SV2C: variants seen among roughly 807,000 people sequenced by gnomAD.
SV2C encodes solute carrier family 22 member B3.
SV2C carries 49 observed loss-of-function variants against 79.7 expected under a neutral mutation model. The observed-to-expected ratio is 0.61, with a 90% CI of 0.49 to 0.78. The LOEUF (loss-of-function observed/expected upper bound fraction) is 0.78, where lower values mean the gene tolerates loss of function less well. SV2C is among the 30% of genes least tolerant of loss of function. The pLI is 0.00. For synonymous variants in SV2C, 334 were observed against 333.2 expected, an observed-to-expected ratio of 1.00 and a Z score of -0.03; for missense variants, 833 against 912.9, an observed-to-expected ratio of 0.91 and a Z score of 1.13.
At chr5:76,204,453 T>A (rs1022867344) in intron 3 of SV2C, among the ~76,000 whole-genome samples, 5 of 152,210 alleles carry the variant, frequency 3.3e-5, no homozygotes, top group African/African-American at 1.2e-4. Flanking sequence ...CAATGATTAT[T>A]CAACTTTCTC....
At chr5:76,218,376 C>A (rs1744964032) in intron 4 of SV2C, among the ~76,000 whole-genome samples, 1 of 152,098 alleles carries the variant, frequency 6.6e-6, no homozygotes, top group African/African-American at 2.4e-5. Flanking sequence ...CAATGGTAGA[C>A]TAGATAAAGA....
the SV2C span, among the ~76,000 whole-genome samples, chr5:75,984,570 T>TCTAC: frequency 1.5e-5 from 1 of 68,458 alleles, no homozygotes; most frequent in South Asian, 3.3e-4. Flanking sequence ...TCTATCTATA[T>TCTAC]CTATCTATCT....
chr5:76,257,675 G>T (rs1746329282), intron 4 of SV2C, among the ~76,000 whole-genome samples: 1 of 150,808 alleles, frequency 6.6e-6, no homozygotes, highest in Non-Finnish European at 1.5e-5. Context: ...GCGTGTGTGT[G>T]GTGTGGTGTG....
At chr5:76,143,768 A>C (rs1749335254) in intron 2 of SV2C, among the ~76,000 whole-genome samples, 1 of 152,132 alleles carries the variant, frequency 6.6e-6, no homozygotes, top group Non-Finnish European at 1.5e-5. Flanking sequence ...AACATCGAGG[A>C]TCTTCTACTG....
chr5:76,232,236 CT>C (rs1187622047), intron 4 of SV2C, among the ~76,000 whole-genome samples: 2 of 146,450 alleles, frequency 1.4e-5, no homozygotes, highest in Non-Finnish European at 3.0e-5. Flanking sequence ...TAAATGTCTT[CT>C]TTTGAGAAGT....
intron 4 of SV2C, among the ~76,000 whole-genome samples, chr5:76,274,989 G>A (rs1035358972): frequency 1.3e-5 from 2 of 152,078 alleles, no homozygotes; most frequent in African/African-American, 4.8e-5. Context: ...CCTTTTTAAA[G>A]AAAATTTTAG....
chr5:76,238,380 G>A (rs1391427069), intron 4 of SV2C, among the ~76,000 whole-genome samples: 1 of 151,912 alleles, frequency 6.6e-6, no homozygotes, highest in African/African-American at 2.4e-5. Flanking sequence ...GCTGTATCAT[G>A]TTCTCCTACA....
At chr5:76,086,682 C>T (rs1289877598) in intron 1 of SV2C, among the ~76,000 whole-genome samples, 3 of 152,208 alleles carry the variant, frequency 2.0e-5, no homozygotes, top group Non-Finnish European at 4.4e-5. Context: ...TTTTCAATCT[C>T]TGCTTTGCTT....
At chr5:76,168,083 G>A (rs548623213) in intron 2 of SV2C, among the ~76,000 whole-genome samples, 246 of 152,080 alleles carry the variant, frequency 1.6e-3, no homozygotes, top group Non-Finnish European at 2.9e-3. Context: ...AAATGCACAA[G>A]TCTCCAATCA....
rs73764005 is a variant in SV2C at position 76,093,831 on chromosome 5, T to C, written c.-102+10319T>C. Among the ~76,000 whole-genome samples the C allele has an allele frequency of 8.1e-3, 1,227 of 152,340 alleles. 15 individuals carry two copies. Among genetic ancestry groups the C allele is most frequent in the African/African-American group, 0.028 (1,167 of 41,572 alleles). On this transcript the variant is annotated intron_variant, in intron 1 of 12. Coordinates refer to ENST00000502798, the MANE Select transcript of SV2C (RefSeq NM_014979.4). Reference sequence around the variant, plus strand: ...ATTATTTTCCCCCTTGTAGACTTGCTTCTAATGTCTTTCCCTTTGACATCA... The same window carrying C: ...ATTATTTTCCCCCTTGTAGACTTGCCTCTAATGTCTTTCCCTTTGACATCA...
chr5:76,052,069 T>G, the SV2C span, among the ~76,000 whole-genome samples: 4 of 152,272 alleles, frequency 2.6e-5, no homozygotes, highest in South Asian at 4.2e-4. Context: ...TTCCCTCTAG[T>G]ATAGCATCTG....
intron 4 of SV2C, among the ~76,000 whole-genome samples, chr5:76,246,603 C>T (rs1252442673): frequency 6.6e-6 from 1 of 152,072 alleles, no homozygotes; most frequent in Non-Finnish European, 1.5e-5. Context: ...CCACACAGCA[C>T]AAATCCTAAA....
the SV2C span, among the ~76,000 whole-genome samples, chr5:75,937,386 C>T: frequency 4.4e-3 from 677 of 152,184 alleles, 4 homozygotes; most frequent in South Asian, 5.2e-3. Context: ...TCATCACAAT[C>T]ACTTTCATCA....
At chr5:75,868,213 G>A in the SV2C span, among the ~76,000 whole-genome samples, 2 of 152,288 alleles carry the variant, frequency 1.3e-5, no homozygotes, top group South Asian at 4.1e-4. Context: ...AAGTATTTTG[G>A]TATATTTGAA....
In SV2C at chr5:76,327,789, G is replaced by C. The variant is rs577378125; in HGVS notation, c.*2242G>C. On this transcript the variant is annotated 3_prime_UTR_variant, in exon 13 of 13. Transcript: ENST00000502798. ...CTAATGTCTGCTCTGGGGTCTAAAT[G>C]CATAAAACATCTCCCAAGCTGCAGA... 6.6e-6 allele frequency: 1 copy of C among 152,314 alleles called. No homozygotes were observed. The highest frequency in any genetic ancestry group is 1.9e-4 in the East Asian group (1 of 5,188). 9.4% of individuals were successfully genotyped at this position (152,314 alleles called of 1,614,324 possible). A position where few individuals can be genotyped will look rare whatever the true frequency, so the allele number is the denominator to read the frequency against.
chr5:76,251,901 A>G (rs1746127358), intron 4 of SV2C, among the ~76,000 whole-genome samples: 1 of 152,230 alleles, frequency 6.6e-6, no homozygotes, highest in Non-Finnish European at 1.5e-5. Context: ...ACAACAGTAC[A>G]TAACACTGAC....
the SV2C span, among the ~76,000 whole-genome samples, chr5:76,070,117 C>T: frequency 6.6e-6 from 1 of 152,120 alleles, no homozygotes; most frequent in African/African-American, 2.4e-5. Context: ...CTCCAGGGCC[C>T]CAGCCCACAC....
chr5:76,242,298 T>C (rs1232935180), intron 4 of SV2C: 40 of 1,452,026 alleles, frequency 2.8e-5, no homozygotes, highest in Non-Finnish European at 3.4e-5. Context: ...TTGGGCATGG[T>C]GGCGGCAGCG....
At chr5:76,252,106 T>C (rs773720487) in intron 4 of SV2C, among the ~76,000 whole-genome samples, 2 of 152,178 alleles carry the variant, frequency 1.3e-5, no homozygotes, top group Non-Finnish European at 2.9e-5. Context: ...CCAAGGAGTA[T>C]ATGCAGTGAT....
Sources: gnomAD v4.1 joint callset for allele counts (sites outside exome capture counted in the v4.1 genomes callset) on GRCh38, gnomAD v4.1.1 for gene constraint, MANE v1.5 for transcripts, NCBI Gene and HGNC (gene_info 2026-07-23, HGNC 2026-07-21) for gene names.